SYNE1: variants seen among roughly 807,000 people sequenced by gnomAD.
SYNE1 encodes the protein nesprin-1.
SYNE1 carries 616 observed loss-of-function variants against 1,111.0 expected under a neutral mutation model. The observed-to-expected ratio is 0.55, with a 90% CI of 0.52 to 0.59. The LOEUF is 0.59. Ranked by LOEUF, SYNE1 falls within the 20% of genes least tolerant of loss-of-function variation. The pLI is 0.00. For missense variants in SYNE1, 10,006 were observed against 10,417.0 expected, an observed-to-expected ratio of 0.96 and a Z score of 1.72; for synonymous variants, 3,855 against 3,825.8, an observed-to-expected ratio of 1.01 and a Z score of -0.28.
At position 152,136,680 on chromosome 6, in the gene SYNE1, G is replaced by T. The variant is rs768373014; in HGVS notation, c.25597C>A (p.Arg8533=). The change falls in exon 141 of 146, where the codon CGA becomes AGA. Residue 8533 remains arginine, a synonymous_variant. Transcript: ENST00000367255. ...CACTCCTCCAGCAGAGAGCACACTC[G>T]GTCCCAGCGCCCATTCATCTGCGAC... ...RLSQMNGRWD[R]VCSLLEEWRG... The T allele has an allele frequency of 6.2e-7, 1 of 1,614,124 alleles. No individual in the cohort carries two copies. Among genetic ancestry groups the T allele is most frequent in the South Asian group, 1.1e-5 (1 of 91,080 alleles).
chr6:152,440,402 A>G (rs954147080), intron 32 of SYNE1, among the ~76,000 whole-genome samples: 1 of 152,038 alleles, frequency 6.6e-6, no homozygotes, highest in African/African-American at 2.4e-5. Context: ...AATTTCCTTT[A>G]CAAATTCATT....
At chr6:152,337,206 T>A (rs1463151883) in intron 75 of SYNE1, among the ~76,000 whole-genome samples, 189 bp from the exon 76 acceptor site, 8 of 152,102 alleles carry the variant, frequency 5.3e-5, no homozygotes, top group East Asian at 1.9e-4. Flanking sequence ...GCAGATTTTT[T>A]TTAAAAAAAT....
intron 144 of SYNE1, among the ~76,000 whole-genome samples, chr6:152,131,329 TA>T (rs34061887): frequency 0.12 from 17,681 of 141,754 alleles, 1,122 homozygotes; most frequent in Non-Finnish European, 0.15. Context: ...GTGAATGTAG[TA>T]AAAAAAAAAA....
chr6:152,302,174 G>A (rs2095208689), intron 91 of SYNE1, 111 bp from the exon 92 acceptor site: 2 of 1,444,796 alleles, frequency 1.4e-6, no homozygotes, highest in South Asian at 1.2e-5. Context: ...AGCCGCGCGG[G>A]CCCGGGAGGC....
At chr6:152,234,404 C>T (rs2083502104) in intron 111 of SYNE1, among the ~76,000 whole-genome samples, 1 of 152,128 alleles carries the variant, frequency 6.6e-6, no homozygotes, top group South Asian at 2.1e-4. Flanking sequence ...AAGCGATTCT[C>T]CTGCCTCAGC....
intron 3 of SYNE1, among the ~76,000 whole-genome samples, chr6:152,601,665 A>G (rs937252024): frequency 1.3e-5 from 2 of 152,196 alleles, no homozygotes; most frequent in African/African-American, 4.8e-5. Flanking sequence ...ACGACAAACC[A>G]TCATTGAAAC....
At position 152,430,623 on chromosome 6, in the gene SYNE1, A is replaced by G. The variant is rs776593228; in HGVS notation, c.4548T>C (p.Thr1516=). ...EAQSFAQFVT[T]GESARIKAKL... is the part of the protein sequence containing the mutation. ...TGGCTTTAATTCGAGCAGATTCTCC[A>G]GTGGTAACAAACTGAGCAAAAGACT... Residue 1516 remains threonine, a synonymous_variant, in exon 35 of 146, where the codon ACT becomes ACC. Transcript: ENST00000367255. The G allele has an allele frequency of 1.1e-5, 17 of 1,614,134 alleles. No individual in the cohort carries two copies. Among genetic ancestry groups the G allele is most frequent in the Middle Eastern group, 3.3e-4 (2 of 6,062 alleles).
At chr6:152,629,405 C>T (rs2099693097) in intron 2 of SYNE1, among the ~76,000 whole-genome samples, 1 of 151,060 alleles carries the variant, frequency 6.6e-6, no homozygotes, top group Non-Finnish European at 1.5e-5. Flanking sequence ...GGGGTTTCAC[C>T]ATGTTAGCCA....
At chr6:152,353,843 G>T (rs2154047603) in intron 67 of SYNE1, 99 bp from the exon 68 acceptor site, 1 of 1,467,310 alleles carries the variant, frequency 6.8e-7, no homozygotes, top group African/African-American at 1.4e-5. Flanking sequence ...TGTAGGTTTA[G>T]AAGATGTTTA....
At chr6:152,431,559 G>T (rs1413245084) in intron 34 of SYNE1, among the ~76,000 whole-genome samples, 1 of 152,156 alleles carries the variant, frequency 6.6e-6, no homozygotes, top group Non-Finnish European at 1.5e-5. Flanking sequence ...ATAGAAGCTT[G>T]TTTGTATATA....
chr6:152,404,402 G>A (rs2097864160), intron 45 of SYNE1, 88 bp from the exon 46 acceptor site: 15 of 994,390 alleles, frequency 1.5e-5, no homozygotes, highest in South Asian at 2.6e-5. Context: ...TAACTTTGTC[G>A]AAATACCCCA....
At chr6:152,350,438 C>T (rs527917087) in intron 71 of SYNE1, 103 bp from the exon 72 acceptor site, 6 of 1,534,094 alleles carry the variant, frequency 3.9e-6, no homozygotes, top group African/African-American at 1.4e-5. Context: ...GTAGTTAGAG[C>T]TACTTAGAAA....
At position 152,407,308 on chromosome 6, in the gene SYNE1, C is replaced by G. The variant is rs891956836; in HGVS notation, c.6541-112G>C. On this transcript the variant is annotated intron_variant, in intron 44 of 145. Coordinates refer to ENST00000367255, the MANE Select transcript of SYNE1 (RefSeq NM_182961.4). ...AGAAAAGTATATTCTGACGGACAAA[C>G]AGTTCCACAAAAATTATTGTAATCT... The G allele has an allele frequency of 1.1e-5, 11 of 1,042,206 alleles. No individual in the cohort carries two copies. In the African/African-American group the frequency reaches 1.4e-4, roughly 13 times the overall value. 64.6% of individuals were successfully genotyped at this position (1,042,206 alleles called of 1,614,324 possible). A position where few individuals can be genotyped will look rare whatever the true frequency, so the allele number is the denominator to read the frequency against.
At position 152,352,212 on chromosome 6, in the gene SYNE1, C is replaced by T. The variant is rs879779013; in HGVS notation, c.11395G>A (p.Glu3799Lys). Residue 3799 changes from glutamate to lysine, a missense_variant, in exon 70 of 146, where the codon GAA (glutamate) becomes AAA (lysine). Glu to Lys is a moderately conservative substitution (Grantham distance 56). This residue lies in a region of SYNE1 where 4,955 missense variants were observed against 5,017.2 expected (regional missense o/e 0.99). Coordinates refer to ENST00000367255, the MANE Select transcript of SYNE1 (RefSeq NM_182961.4). ...TCTTTCCGGACAGTGCTGGTCAGTT[C>T]CTTCAACTGCTCCATGTGATCATGA... is the stretch of plus-strand genomic sequence containing the variant. Reference protein sequence around the residue: ...EIHDHMEQLKELTSTVRKEHM... With the variant: ...EIHDHMEQLKKLTSTVRKEHM... The T allele has an allele frequency of 5.0e-6, 8 of 1,614,014 alleles. No homozygotes were observed. The highest frequency in any genetic ancestry group is 4.2e-6 in the Non-Finnish European group (5 of 1,180,030).
chr6:152,272,065 T>C (rs568215175), intron 98 of SYNE1, among the ~76,000 whole-genome samples: 3 of 152,350 alleles, frequency 2.0e-5, no homozygotes, highest in African/African-American at 7.2e-5. Context: ...TCTTAACAAC[T>C]TCCTCACTTT....
intron 3 of SYNE1, among the ~76,000 whole-genome samples, chr6:152,541,798 T>G (rs186523745): frequency 1.3e-5 from 2 of 149,994 alleles, no homozygotes; most frequent in African/African-American, 4.9e-5. Flanking sequence ...TGTACATTGA[T>G]TTTGTATCCT....
chr6:152,409,952 A>C (rs2097991233), intron 42 of SYNE1, among the ~76,000 whole-genome samples: 1 of 152,222 alleles, frequency 6.6e-6, no homozygotes, highest in Non-Finnish European at 1.5e-5. Context: ...TGACCATTGA[A>C]ACAAAATCTA....
intron 121 of SYNE1, among the ~76,000 whole-genome samples, chr6:152,216,677 C>CCTTGAGA (rs571473472): frequency 9.1e-4 from 139 of 152,204 alleles, no homozygotes; most frequent in Non-Finnish European, 1.7e-3. Flanking sequence ...CAGTGGGAAA[C>CCTTGAGA]CTTGAGAGCT....
rs370409955 is a variant in SYNE1, at chr6:152,216,793, T to C, written c.22191+1464A>G. ...ACAATTGGCAGGGCACAGTGGCTCATGCCTGTAATCCCAGTGCTTTGGGAG... is the reference window on the plus strand; with the variant it reads ...ACAATTGGCAGGGCACAGTGGCTCACGCCTGTAATCCCAGTGCTTTGGGAG... On this transcript the variant is annotated intron_variant, in intron 121 of 145. Coordinates refer to ENST00000367255, the MANE Select transcript of SYNE1 (RefSeq NM_182961.4). Among the ~76,000 whole-genome samples, 94 of 152,322 alleles carry C rather than the reference T, an allele frequency of 6.2e-4. No individual in the cohort carries two copies. In the South Asian group the frequency reaches 7.9e-3, roughly 13 times the overall value.
Sources: allele counts gnomAD v4.1 joint callset (sites outside exome capture counted in the v4.1 genomes callset), GRCh38; gene constraint gnomAD v4.1.1; regional missense constraint gnomAD v4.1.1; transcripts MANE v1.5; gene names NCBI Gene and HGNC (gene_info 2026-07-23, HGNC 2026-07-21).